Variants in CARD9 observed in about 807,000 individuals in gnomAD.
CARD9 encodes caspase recruitment domain family member 9, also known as caspase recruitment domain-containing protein 9.
A neutral mutation model predicts 66.0 loss-of-function variants in CARD9; 53 were observed. That is an observed-to-expected ratio of 0.80 (90% CI 0.64 to 1.01). The LOEUF (loss-of-function observed/expected upper bound fraction) is 1.01. Ranked by LOEUF, CARD9 falls within the 50% of genes least tolerant of loss-of-function variation. The probability of loss-of-function intolerance (pLI) is 0.00; values close to 1 mark genes in which losing one functional copy is unlikely to be tolerated. For synonymous variants in CARD9, 387 were observed against 313.8 expected, an observed-to-expected ratio of 1.23 and a Z score of -2.47; for missense variants, 769 against 743.2, an observed-to-expected ratio of 1.03 and a Z score of -0.40.
At chr9:136,373,501 C>G in intron 1 of CARD9, 31 bp downstream of exon 1, 1 of 985,646 alleles carries the variant, frequency 1.0e-6, no homozygotes. Flanking sequence ...ACCTTCCTGG[C>G]CACCTTTCAG....
chr9:136,369,395 A>T (rs1388855900), intron 7 of CARD9, among the ~76,000 whole-genome samples: 1 of 152,254 alleles, frequency 6.6e-6, no homozygotes. Context: ...ATGACAGGTA[A>T]GTCTGTAAGG....
intron 1 of CARD9, among the ~76,000 whole-genome samples, chr9:136,372,392 G>T (rs552152968): frequency 2.4e-4 from 36 of 152,334 alleles, no homozygotes; most frequent in Middle Eastern, 6.8e-3. Context: ...TACGCAGCGG[G>T]GGAGGCACAG....
rs773208112 is a variant in CARD9, at chr9:136,369,834, T to C, written c.993A>G (p.Ala331=). 3 of 1,612,956 alleles carry C rather than the reference T, an allele frequency of 1.9e-6. No individual in the cohort carries two copies. In the South Asian group the frequency reaches 3.3e-5, roughly 18 times the overall value. Residue 331 remains alanine, a synonymous_variant, in exon 7 of 13, where the codon GCA becomes GCG. Coordinates refer to ENST00000371732, the MANE Select transcript of CARD9 (RefSeq NM_052813.5). ...EKEMFELQCL[A]LRKDSKMYKD... ...TGTACATCTTGGAGTCCTTACGTAG[T>C]GCCAGGCACTGCAGCTCGAACATCT... is the stretch of plus-strand genomic sequence containing the variant.
In CARD9 at chr9:136,370,402, C is replaced by T; in HGVS notation, c.843G>A (p.Gln281=). 3 of 1,611,338 alleles carry T rather than the reference C, an allele frequency of 1.9e-6. No individual in the cohort carries two copies. Among genetic ancestry groups the T allele is most frequent in the South Asian group, 1.1e-5 (1 of 90,726 alleles). ...CCTGCCGCCAGTCCTCCTCCAGTACCTGGATGTAGGGGCTGCTCCTGTCCA... is the reference window on the plus strand; with the variant it reads ...CCTGCCGCCAGTCCTCCTCCAGTACTTGGATGTAGGGGCTGCTCCTGTCCA... ...GKLDRSSPYI[Q]VLEEDWRQAL... The change falls in exon 6 of 13, where the codon CAG becomes CAA. Residue 281 remains glutamine (Q), a synonymous_variant. Transcript: ENST00000371732.
In CARD9 at chr9:136,371,370, C is replaced by G; in HGVS notation, c.276G>C (p.Lys92Asn). 1.2e-6 allele frequency: 2 copies of G among 1,601,520 alleles called. No homozygotes were observed. The highest frequency in any genetic ancestry group is 2.2e-5 in the South Asian group (2 of 89,230). Residue 92 changes from lysine (K) to asparagine (N), a missense_variant, in exon 3 of 13, where the codon AAG becomes AAC. Physicochemically the swap from Lys to Asn is moderately conservative, Grantham distance 94. Coordinates refer to ENST00000371732, the MANE Select transcript of CARD9 (RefSeq NM_052813.5). ...SLELYYPQLY[K>N]KVTGKEPARV... ...GGGCCGGCTCCTTGCCTGTGACCTT[C>G]TTGTACAGCTGCGGGTAGTAGAGCT... is the stretch of plus-strand genomic sequence containing the variant.
At position 136,364,975 on chromosome 9, in the gene CARD9, C is replaced by T; in HGVS notation, c.1434+166G>A. The T allele has an allele frequency of 4.6e-6, 3 of 654,362 alleles. No homozygotes were observed. In the South Asian group the frequency reaches 5.7e-5, roughly 12 times the overall value. The allele number at this position is 654,362 out of a possible 1,614,324, so 40.5% of individuals were successfully genotyped here. A position where few individuals can be genotyped will look rare whatever the true frequency, so the allele number is the denominator to read the frequency against. On this transcript the variant is annotated intron_variant, in intron 11 of 12. Coordinates refer to ENST00000371732, the MANE Select transcript of CARD9 (RefSeq NM_052813.5). ...GCCCAAGAAAGGGGGATCCACTTCG[C>T]AGCCCAGACACCGCACCCCGAGCAC...
At chr9:136,370,223 A>G in intron 6 of CARD9, 71 bp downstream of exon 6, 1 of 1,561,038 alleles carries the variant, frequency 6.4e-7, no homozygotes. Flanking sequence ...CCAGGCACGG[A>G]GTGGGCGGAG....
intron 1 of CARD9, 132 bp downstream of exon 1, chr9:136,373,400 G>T: frequency 1.5e-6 from 1 of 646,084 alleles, no homozygotes; most frequent in Non-Finnish European, 1.9e-6. Flanking sequence ...AAAGGGACGG[G>T]GCCGCATGGC....
At chr9:136,365,545 C>A in intron 10 of CARD9, 1 of 422,104 alleles carries the variant, frequency 2.4e-6, no homozygotes, top group East Asian at 4.5e-5. Context: ...TGAGCAGCAC[C>A]GTCCCCCATC....
In CARD9 at chr9:136,373,618, A is replaced by C. The variant is rs868312932; in HGVS notation, c.-103T>G. The C allele has an allele frequency of 1.9e-5, 19 of 982,226 alleles. No individual in the cohort carries two copies. Among genetic ancestry groups the C allele is most frequent in the Middle Eastern group, 1.0e-3 (2 of 1,912 alleles). 60.8% of individuals were successfully genotyped at this position (982,226 alleles called of 1,614,324 possible). ...TCTGGGAGATGCTGCCCGGGGCTGC[A>C]GGGAGGGAGGAGCACGCCGGACGCC... On this transcript the variant is annotated 5_prime_UTR_variant, in exon 1 of 13. Transcript: ENST00000371732.
chr9:136,370,871 C>T lies in CARD9; in HGVS notation c.597G>A (p.Ala199=), dbSNP rs1356167700. The change falls in exon 4 of 13, where the codon GCG becomes GCA. Residue 199 remains alanine, a synonymous_variant. Coordinates refer to ENST00000371732, the MANE Select transcript of CARD9 (RefSeq NM_052813.5). ...GCTGCAGGTCACGGTTCCGCATGAGCGCGGCGCCCTTCTCCTCACTCTGGT... is the reference window on the plus strand; with the variant it reads ...GCTGCAGGTCACGGTTCCGCATGAGTGCGGCGCCCTTCTCCTCACTCTGGT... The part of the protein sequence containing the change: ...LAHQSEEKGA[A]LMRNRDLQLE... 8 of 1,603,782 alleles carry T rather than the reference C, an allele frequency of 5.0e-6. No homozygotes were observed. The highest frequency in any genetic ancestry group is 4.0e-5 in the African/African-American group (3 of 74,696).
At chr9:136,366,394 C>A (rs915844165) in intron 10 of CARD9, 3 of 234,384 alleles carry the variant, frequency 1.3e-5, no homozygotes, top group Non-Finnish European at 2.6e-5. Context: ...TGCACCTGGT[C>A]GTTCGCTCGT....
chr9:136,364,961 G>T lies in CARD9; in HGVS notation c.1434+180C>A, dbSNP rs1588719573. On this transcript the variant is annotated intron_variant, in intron 11 of 12. Coordinates refer to ENST00000371732, the MANE Select transcript of CARD9 (RefSeq NM_052813.5). ...CAAGCTGCTGCAGTGCCCAAGAAAG[G>T]GGGATCCACTTCGCAGCCCAGACAC... The T allele has an allele frequency of 8.0e-6, 5 of 627,610 alleles. No homozygotes were observed. In the Admixed American group the frequency reaches 1.4e-4, roughly 18 times the overall value. The allele number at this position is 627,610 out of a possible 1,614,324, so 38.9% of individuals were successfully genotyped here. A position where few individuals can be genotyped will look rare whatever the true frequency, so the allele number is the denominator to read the frequency against.
At position 136,364,019 on chromosome 9, in the gene CARD9, T is replaced by C. The variant is rs754059716; in HGVS notation, c.*283A>G. 21 of 1,370,142 alleles carry C rather than the reference T, an allele frequency of 1.5e-5. No homozygotes were observed. Among genetic ancestry groups the C allele is most frequent in the African/African-American group, 2.9e-5 (2 of 69,548 alleles). 84.9% of individuals were successfully genotyped at this position (1,370,142 alleles called of 1,614,324 possible). A position where few individuals can be genotyped will look rare whatever the true frequency, so the allele number is the denominator to read the frequency against. On this transcript the variant is annotated 3_prime_UTR_variant, in exon 13 of 13. Transcript: ENST00000371732. ...TTCTAACACTAATACAATGCATGCA[T>C]GTATTGTGTGTTACATGGTGAAACA... is the stretch of plus-strand genomic sequence containing the variant.
rs3124993 is a variant in CARD9, at chr9:136,367,753, C to G, written c.1153G>C (p.Val385Leu). ...LQEKDALRKQ[V>L]RELGEKADEL... ...TCCGCCTTCTCGCCCAGCTCCCGCA[C>G]CTGCTTGCGCAGCGCGTCCTTCTCC... Residue 385 changes from valine to leucine, a missense_variant, in exon 8 of 13, where the codon GTG (valine) becomes CTG (leucine). By Grantham distance (32) the Val-to-Leu change is conservative. Transcript: ENST00000371732. The G allele has an allele frequency of 0.02, 32,360 of 1,605,422 alleles. 410 individuals are homozygous for G. The highest frequency in any genetic ancestry group is 0.024 in the Non-Finnish European group (28,878 of 1,179,558).
intron 8 of CARD9, 83 bp downstream of exon 8, chr9:136,367,554 A>G (rs926183337): frequency 7.5e-6 from 11 of 1,461,798 alleles, no homozygotes; most frequent in Admixed American, 2.1e-5. Context: ...TTGGGTCGGG[A>G]AGGCCGGGGC....
chr9:136,364,182 C>T lies in CARD9; in HGVS notation c.*120G>A, dbSNP rs1322884687. ...CTGGGCCTTTCAGGGCACCAGATTC[C>T]TCGTTCCAGGCCAAGTCAGCGACGG... is the stretch of plus-strand genomic sequence containing the variant. On this transcript the variant is annotated 3_prime_UTR_variant, in exon 13 of 13. Coordinates refer to ENST00000371732, the MANE Select transcript of CARD9 (RefSeq NM_052813.5). 3.9e-6 allele frequency: 6 copies of T among 1,550,544 alleles called. No homozygotes were observed. The highest frequency in any genetic ancestry group is 5.2e-6 in the Non-Finnish European group (6 of 1,146,826).
chr9:136,364,297 T>C lies in CARD9; in HGVS notation c.*5A>G, dbSNP rs1396586109. 1 of 1,555,072 alleles carries C rather than the reference T, an allele frequency of 6.4e-7. No individual in the cohort carries two copies. The highest frequency in any genetic ancestry group is 8.7e-7 in the Non-Finnish European group (1 of 1,149,524). The stretch of plus-strand genomic sequence containing the variant: ...GTGCCCTGGTCGGGGCCTGCGCTGC[T>C]GCGGCTAGGAGCCCTCAGTGTCGGT... On this transcript the variant is annotated 3_prime_UTR_variant, in exon 13 of 13. Transcript: ENST00000371732.
intron 2 of CARD9, 52 bp from the exon 3 acceptor site, chr9:136,371,513 CTGGGGTGGGTGGG>C: frequency 1.2e-5 from 6 of 513,536 alleles, no homozygotes; most frequent in Admixed American, 3.2e-5. Context: ...AGGCAGAGGG[CTGGGGTGGGTGGG>C]CCTGGGGGCA....
Sources: allele counts gnomAD v4.1 joint callset (sites outside exome capture counted in the v4.1 genomes callset), GRCh38; gene constraint gnomAD v4.1.1; transcripts MANE v1.5; gene names NCBI Gene and HGNC (gene_info 2026-07-23, HGNC 2026-07-21).